The following SYNPO2 variants were observed in gnomAD, a reference collection of about 807,000 sequenced individuals.
SYNPO2 encodes synaptopodin-2.
A neutral mutation model predicts 85.0 loss-of-function variants in SYNPO2; 56 were observed. The ratio of observed to expected loss-of-function variants is 0.66; its 90% CI spans 0.53 to 0.82. The LOEUF (loss-of-function observed/expected upper bound fraction) is 0.82. SYNPO2 is among the 40% of genes least tolerant of loss of function. The pLI, the probability that SYNPO2 is intolerant of heterozygous loss-of-function variation, is 0.00. For synonymous variants in SYNPO2, 602 were observed against 591.1 expected, an observed-to-expected ratio of 1.02 and a Z score of -0.27; for missense variants, 1,575 against 1,534.2, an observed-to-expected ratio of 1.03 and a Z score of -0.44.
At chr4:119,036,350 T>A (rs1038745363) in intron 4 of SYNPO2, 4 of 985,452 alleles carry the variant, frequency 4.1e-6, no homozygotes, top group Non-Finnish European at 4.8e-6. Context: ...GAACCAACAC[T>A]GTATTCCCAG....
chr4:118,958,488 G>T (rs1734958293), intron 1 of SYNPO2, among the ~76,000 whole-genome samples: 1 of 152,120 alleles, frequency 6.6e-6, no homozygotes, highest in Non-Finnish European at 1.5e-5. Context: ...AGACAAGCAG[G>T]TCTTGGTCTT....
chr4:119,004,589 G>C (rs1434956959), intron 1 of SYNPO2, among the ~76,000 whole-genome samples: 2 of 148,030 alleles, frequency 1.4e-5, no homozygotes, highest in Admixed American at 6.9e-5. Context: ...GTATTCCATG[G>C]GGTATATGTG....
intron 1 of SYNPO2, among the ~76,000 whole-genome samples, chr4:118,992,221 T>G (rs1736444419): frequency 1.3e-5 from 2 of 152,152 alleles, no homozygotes; most frequent in Non-Finnish European, 1.5e-5. Flanking sequence ...GGTGGATGCA[T>G]GATTTGATTA....
intron 1 of SYNPO2, among the ~76,000 whole-genome samples, chr4:118,916,731 T>TTC (rs1460376217): frequency 2.2e-3 from 308 of 143,000 alleles, no homozygotes; most frequent in African/African-American, 6.1e-3. Context: ...TTTTCTTTCT[T>TTC]TTTTTTTTTT....
At chr4:118,966,449 C>T (rs1032983340) in intron 1 of SYNPO2, among the ~76,000 whole-genome samples, 1 of 152,044 alleles carries the variant, frequency 6.6e-6, no homozygotes, top group African/African-American at 2.4e-5. Context: ...GAGCACAGCT[C>T]CCCCACTTAC....
chr4:118,960,642 A>G (rs997964505), intron 1 of SYNPO2, among the ~76,000 whole-genome samples: 3 of 152,108 alleles, frequency 2.0e-5, no homozygotes, highest in Non-Finnish European at 2.9e-5. Context: ...CTCCGCTTGA[A>G]TATCTAATGG....
upstream of SYNPO2, among the ~76,000 whole-genome samples, chr4:118,887,731 G>A (rs916146554): frequency 2.0e-5 from 3 of 152,144 alleles, no homozygotes; most frequent in African/African-American, 4.8e-5. Flanking sequence ...TCAATTAGTC[G>A]ATGGTAAAAT....
At chr4:118,887,666 T>C (rs1732229735), upstream of SYNPO2, among the ~76,000 whole-genome samples, 1 of 152,226 alleles carries the variant, frequency 6.6e-6, no homozygotes, top group Non-Finnish European at 1.5e-5. Flanking sequence ...TATTTAAAAG[T>C]TTGGTGATGT....
intron 1 of SYNPO2, among the ~76,000 whole-genome samples, chr4:118,855,145 C>T (rs903128333): frequency 1.3e-5 from 2 of 150,744 alleles, no homozygotes; most frequent in Non-Finnish European, 3.0e-5. Flanking sequence ...AAAGATAACA[C>T]ATTAAATAAG....
At position 119,027,152 on chromosome 4, in the gene SYNPO2, G is replaced by A. The variant is rs771281255; in HGVS notation, c.783G>A (p.Gln261=). ...TCCTGAGGTCCAGCAAGATAATCCA[G>A]ATCTCCAGTGGCAGAGAGTTGAGAG... ...DPFLRSSKII[Q]ISSGRELRVI... is the part of the protein sequence containing the mutation. Residue 261 remains glutamine, a synonymous_variant, in exon 3 of 5, where the codon CAG becomes CAA. Transcript: ENST00000307142. The A allele has an allele frequency of 1.2e-6, 2 of 1,614,080 alleles. No homozygotes were observed. The highest frequency in any genetic ancestry group is 3.3e-5 in the Admixed American group (2 of 60,004).
chr4:119,028,708 TA>T (rs1035883357), intron 3 of SYNPO2, among the ~76,000 whole-genome samples: 7 of 152,040 alleles, frequency 4.6e-5, no homozygotes, highest in South Asian at 2.1e-4. Flanking sequence ...ATATTTTATT[TA>T]AAAAAAATTA....
chr4:118,940,324 G>T (rs979208124), intron 1 of SYNPO2, among the ~76,000 whole-genome samples: 2 of 152,146 alleles, frequency 1.3e-5, no homozygotes, highest in Non-Finnish European at 2.9e-5. Flanking sequence ...GTTTCTGTCA[G>T]TGTGTGTGAG....
At chr4:118,911,988 T>C (rs955582107) in intron 1 of SYNPO2, among the ~76,000 whole-genome samples, 1 of 152,188 alleles carries the variant, frequency 6.6e-6, no homozygotes, top group East Asian at 1.9e-4. Context: ...GTGAAAATTA[T>C]GGAAAGCATT....
intron 1 of SYNPO2, among the ~76,000 whole-genome samples, chr4:118,853,194 T>A (rs1731449152): frequency 6.6e-6 from 1 of 152,238 alleles, no homozygotes; most frequent in Admixed American, 6.5e-5. Flanking sequence ...CCTATTTGTA[T>A]TTTCCTTTCA....
At chr4:119,013,041 G>A (rs1368675704) in intron 1 of SYNPO2, among the ~76,000 whole-genome samples, 3 of 152,048 alleles carry the variant, frequency 2.0e-5, no homozygotes, top group African/African-American at 7.2e-5. Context: ...CAGACCTCTG[G>A]TGGTCTCTGA....
intron 1 of SYNPO2, among the ~76,000 whole-genome samples, chr4:118,879,061 C>T (rs1209121565): frequency 6.6e-6 from 1 of 152,160 alleles, no homozygotes; most frequent in Non-Finnish European, 1.5e-5. Flanking sequence ...CCTTTAAGAG[C>T]TGTAACACTC....
chr4:118,876,251 A>T (rs1049221187), intron 1 of SYNPO2, among the ~76,000 whole-genome samples: 2 of 152,106 alleles, frequency 1.3e-5, no homozygotes, highest in Non-Finnish European at 2.9e-5. Flanking sequence ...TCTGTTCTTC[A>T]TGTTGACAAA....
chr4:118,884,132 G>A (rs139375566), upstream of SYNPO2, among the ~76,000 whole-genome samples: 2 of 152,166 alleles, frequency 1.3e-5, no homozygotes, highest in Non-Finnish European at 2.9e-5. Flanking sequence ...TAGCAAATCT[G>A]CTCTTTGTTT....
intron 4 of SYNPO2, among the ~76,000 whole-genome samples, chr4:119,051,301 T>C (rs371102724): frequency 0.012 from 1,656 of 139,830 alleles, 33 homozygotes; most frequent in African/African-American, 0.043. Flanking sequence ...GCCATTCTCC[T>C]GCCTCAGCCT....
Sources: allele counts gnomAD v4.1 joint callset (sites outside exome capture counted in the v4.1 genomes callset), GRCh38; gene constraint gnomAD v4.1.1; transcripts MANE v1.5; gene names NCBI Gene and HGNC (gene_info 2026-07-23, HGNC 2026-07-21).